MALRD1: variants seen among roughly 807,000 people sequenced by gnomAD.
MALRD1 encodes MAM and LDL-receptor class A domain-containing protein 1.
A neutral mutation model predicts 242.1 loss-of-function variants in MALRD1; 247 were observed. That is an observed-to-expected ratio of 1.02 (90% CI 0.92 to 1.13). The LOEUF (loss-of-function observed/expected upper bound fraction) is 1.13, where lower values mean the gene tolerates loss of function less well. MALRD1 is among the 50% of genes most tolerant of loss of function. MALRD1 has a pLI of 0.00. For synonymous variants in MALRD1, 995 were observed against 866.6 expected (o/e 1.15, Z -2.60); for missense variants, 2,989 against 2,533.1 (o/e 1.18, Z -3.86).
chr10:19,705,642 TTCC>T lies in MALRD1; in HGVS notation c.6314+13109_6314+13111del, dbSNP rs151069981. 3.4e-3 allele frequency among the ~76,000 whole-genome samples: 514 copies of T among 151,452 alleles called. 11 individuals are homozygous for T. The East Asian group carries it at 0.054, about 16-fold the overall frequency. On this transcript the variant is annotated intron_variant, in intron 38 of 39. Coordinates refer to ENST00000454679, the MANE Select transcript of MALRD1 (RefSeq NM_001142308.3). ...AAACAGGGTTAGGCCACCAGCATGA[TTCC>T]TCCTCCTCCTCCTCCTCCTCTTTCT...
At chr10:19,700,333 C>T (rs1248330756) in intron 38 of MALRD1, among the ~76,000 whole-genome samples, 1 of 152,070 alleles carries the variant, frequency 6.6e-6, no homozygotes. Context: ...TACAAATCTG[C>T]AACCTGCCAT....
chr10:19,432,561 A>C (rs768279255), intron 28 of MALRD1, among the ~76,000 whole-genome samples: 1 of 152,222 alleles, frequency 6.6e-6, no homozygotes, highest in African/African-American at 2.4e-5. Flanking sequence ...TGTTTTAGGC[A>C]TGGGAAATCC....
intron 38 of MALRD1, among the ~76,000 whole-genome samples, chr10:19,700,607 C>G (rs1434547861): frequency 4.6e-5 from 7 of 152,160 alleles, no homozygotes; most frequent in Non-Finnish European, 7.3e-5. Flanking sequence ...TCTCTGCTAC[C>G]TAATAGAAGT....
At chr10:19,692,934 A>G (rs1564546331) in intron 38 of MALRD1, among the ~76,000 whole-genome samples, 1 of 149,880 alleles carries the variant, frequency 6.7e-6, no homozygotes, top group Non-Finnish European at 1.5e-5. Context: ...ACAAATCAAT[A>G]AATGTAATCC....
At chr10:19,101,083 T>C (rs1033969479) in intron 4 of MALRD1, among the ~76,000 whole-genome samples, 1 of 151,792 alleles carries the variant, frequency 6.6e-6, no homozygotes, top group African/African-American at 2.4e-5. Flanking sequence ...GGTGCTGTTT[T>C]ACATGTTCGC....
intron 11 of MALRD1, among the ~76,000 whole-genome samples, chr10:19,146,766 A>G (rs1833740788): frequency 6.6e-6 from 1 of 152,202 alleles, no homozygotes; most frequent in East Asian, 1.9e-4. Context: ...AAATACTTGA[A>G]TGCAATTTAA....
At chr10:19,295,550 A>G (rs1320309445) in intron 21 of MALRD1, among the ~76,000 whole-genome samples, 1 of 151,884 alleles carries the variant, frequency 6.6e-6, no homozygotes, top group East Asian at 1.9e-4. Flanking sequence ...TTTATTAAAT[A>G]TTTATTGTGA....
chr10:19,305,869 A>G (rs932809609), intron 21 of MALRD1, among the ~76,000 whole-genome samples: 1 of 131,752 alleles, frequency 7.6e-6, no homozygotes, highest in Non-Finnish European at 1.6e-5. Context: ...TATACTATAT[A>G]TTATATAATA....
chr10:19,242,354 G>A (rs1272440742), intron 18 of MALRD1, among the ~76,000 whole-genome samples: 1 of 152,054 alleles, frequency 6.6e-6, no homozygotes, highest in East Asian at 1.9e-4. Context: ...ATGAATTATG[G>A]GAGCTATAAT....
At position 19,128,490 on chromosome 10, in the gene MALRD1, C is replaced by T; in HGVS notation, c.1110+103C>T. On this transcript the variant is annotated intron_variant, in intron 8 of 39. Transcript: ENST00000454679. ...TCTCAGTTGCGCATAGGCTTTTATT[C>T]TTTAACTTGACTTTACTTGGTATAC... 3 of 712,230 alleles carry T rather than the reference C, an allele frequency of 4.2e-6. No homozygotes were observed. In the South Asian group the frequency reaches 2.2e-4, roughly 53 times the overall value. 44.1% of individuals were successfully genotyped at this position (712,230 alleles called of 1,614,324 possible).
rs1242583480 is a variant in MALRD1, at chr10:19,531,278, C to A, written c.5405C>A (p.Pro1802Gln). 1.4e-5 allele frequency: 21 copies of A among 1,550,250 alleles called. No individual in the cohort carries two copies. The highest frequency in any genetic ancestry group is 1.5e-5 in the Non-Finnish European group (17 of 1,146,846). Reference protein sequence around the residue: ...VARITTSKSFPASLGMCTVRF... With the variant: ...VARITTSKSFQASLGMCTVRF... ...AGAATTACTACTTCCAAATCCTTCC[C>A]AGCAAGCCTTGGAATGTGTACTGTT... is the stretch of plus-strand genomic sequence containing the variant. Residue 1802 changes from proline (P) to glutamine (Q), a missense_variant, in exon 32 of 40, where the codon CCA becomes CAA. By Grantham distance (76) the Pro-to-Gln change is moderately conservative. Transcript: ENST00000454679.
intron 38 of MALRD1, among the ~76,000 whole-genome samples, chr10:19,695,037 A>G (rs1290816542): frequency 6.6e-6 from 1 of 152,140 alleles, no homozygotes; most frequent in Admixed American, 6.5e-5. Context: ...ACACTTGGAC[A>G]GAGGAAGGGT....
At chr10:19,687,382 TC>T (rs1430267742) in intron 36 of MALRD1, among the ~76,000 whole-genome samples, 67 of 152,304 alleles carry the variant, frequency 4.4e-4, no homozygotes, top group African/African-American at 1.5e-3. Flanking sequence ...GATCCTTCTT[TC>T]TGGACTCAGA....
chr10:19,359,646 G>GA lies in MALRD1; in HGVS notation c.4441+7353dup, dbSNP rs1322272748. Among the ~76,000 whole-genome samples, 4 of 151,550 alleles carry GA rather than the reference G, an allele frequency of 2.6e-5. No homozygotes were observed. The South Asian group carries it at 6.2e-4, about 24-fold the overall frequency. On this transcript the variant is annotated intron_variant, in intron 26 of 39. Coordinates refer to ENST00000454679, the MANE Select transcript of MALRD1 (RefSeq NM_001142308.3). ...CCCTAGAAGTTGAGAAAGTGTTGGA[G>GA]AAAATTGTGGAGAGGAAAGCAAAGC...
intron 14 of MALRD1, among the ~76,000 whole-genome samples, chr10:19,183,451 C>T (rs998463319): frequency 6.6e-6 from 1 of 152,002 alleles, no homozygotes; most frequent in African/African-American, 2.4e-5. Flanking sequence ...AAGGCAATGC[C>T]ACCCTCAGGA....
At chr10:19,652,101 A>G (rs1840923383) in intron 36 of MALRD1, among the ~76,000 whole-genome samples, 1 of 152,188 alleles carries the variant, frequency 6.6e-6, no homozygotes, top group African/African-American at 2.4e-5. Context: ...ACCATGAAGC[A>G]TCACTGGATC....
intron 18 of MALRD1, 116 bp downstream of exon 18, chr10:19,209,796 G>A: frequency 1.0e-6 from 1 of 965,774 alleles, no homozygotes; most frequent in South Asian, 1.8e-5. Context: ...AAGTTACATT[G>A]AGACACATTT....
At chr10:19,390,646 A>G (rs1005934664) in intron 28 of MALRD1, among the ~76,000 whole-genome samples, 10 of 152,182 alleles carry the variant, frequency 6.6e-5, no homozygotes, top group Admixed American at 6.5e-4. Flanking sequence ...AGCTTACTTT[A>G]AAGCATGCTG....
At chr10:19,484,099 C>T (rs545450545) in intron 29 of MALRD1, among the ~76,000 whole-genome samples, 1 of 152,064 alleles carries the variant, frequency 6.6e-6, no homozygotes, top group Admixed American at 6.6e-5. Flanking sequence ...AAGATGGCAA[C>T]AATAAACACT....
Sources: allele counts gnomAD v4.1 joint callset (sites outside exome capture counted in the v4.1 genomes callset), GRCh38; gene constraint gnomAD v4.1.1; transcripts MANE v1.5; gene names NCBI Gene and HGNC (gene_info 2026-07-23, HGNC 2026-07-21).